Variants in DNAJC11 observed in about 807,000 individuals in gnomAD.
The protein encoded by DNAJC11 is dnaJ homolog subfamily C member 11.
In DNAJC11, 15 loss-of-function variants were observed where a neutral mutation model predicts 78.6. That is an observed-to-expected ratio of 0.19 (90% CI 0.13 to 0.29). The LOEUF (loss-of-function observed/expected upper bound fraction) is 0.29, where lower values mean the gene tolerates loss of function less well. DNAJC11 is among the 10% of genes least tolerant of loss of function. The pLI is 1.00. For synonymous variants in DNAJC11, 292 were observed against 272.1 expected (o/e 1.07, Z -0.72); for missense variants, 547 against 709.6 (o/e 0.77, Z 2.60).
At chr1:6,684,375 C>T (rs776745983) in intron 1 of DNAJC11, among the ~76,000 whole-genome samples, 8 of 152,244 alleles carry the variant, frequency 5.3e-5, no homozygotes, top group Non-Finnish European at 1.2e-4. Context: ...AGCCACTGCA[C>T]CCAGTCACAA....
intron 3 of DNAJC11, among the ~76,000 whole-genome samples, chr1:6,677,181 A>C (rs888023327): frequency 1.3e-5 from 2 of 151,868 alleles, no homozygotes; most frequent in African/African-American, 2.4e-5. Context: ...AAAACAAAAA[A>C]AACGAAGGAA....
intron 1 of DNAJC11, among the ~76,000 whole-genome samples, chr1:6,687,096 A>C (rs1009227278): frequency 3.3e-5 from 5 of 152,242 alleles, no homozygotes; most frequent in African/African-American, 1.2e-4. Context: ...TAAAAGAAAA[A>C]GCAGATTTCA....
At chr1:6,674,859 C>T (rs908689262) in intron 3 of DNAJC11, among the ~76,000 whole-genome samples, 2 of 152,110 alleles carry the variant, frequency 1.3e-5, no homozygotes, top group Non-Finnish European at 1.5e-5. Flanking sequence ...GGATTAAAGG[C>T]GTCTCAGACA....
chr1:6,672,524 T>C (rs1642396024), intron 3 of DNAJC11, among the ~76,000 whole-genome samples: 2 of 152,230 alleles, frequency 1.3e-5, no homozygotes. Context: ...GATCATTCCA[T>C]TTTTAGTCAT....
rs766568049 is a variant in DNAJC11 at position 6,652,869 on chromosome 1, A to T, written c.590T>A (p.Phe197Tyr). The change falls in exon 6 of 16, where the codon TTT (phenylalanine) becomes TAT (tyrosine). Residue 197 changes from phenylalanine (F) to tyrosine (Y), a missense_variant. Physicochemically the swap from Phe to Tyr is conservative, Grantham distance 22 (BLOSUM62 3). Coordinates refer to ENST00000377577, the MANE Select transcript of DNAJC11 (RefSeq NM_018198.4). Reference protein sequence around the residue: ...QNGNGGGSINFALRRVTSAKG... With the variant: ...QNGNGGGSINYALRRVTSAKG... ...TGCCGAAGTTACTCGTCTGAGCGCA[A>T]AGTTAATGGAACCTCCTCCATTTCC... 1 of 1,614,148 alleles carries T rather than the reference A, an allele frequency of 6.2e-7. No individual in the cohort carries two copies. Among genetic ancestry groups the T allele is most frequent in the Admixed American group, 1.7e-5 (1 of 60,002 alleles).
At chr1:6,700,381 T>C (rs1275886724) in intron 1 of DNAJC11, among the ~76,000 whole-genome samples, 1 of 152,182 alleles carries the variant, frequency 6.6e-6, no homozygotes, top group Non-Finnish European at 1.5e-5. Flanking sequence ...AAAGCCTGTT[T>C]GGTGGTCTCT....
At chr1:6,691,154 T>A in intron 1 of DNAJC11, among the ~76,000 whole-genome samples, 2 of 144,342 alleles carry the variant, frequency 1.4e-5, no homozygotes, top group South Asian at 2.2e-4. Flanking sequence ...GAAAAAAAGA[T>A]TACACAATTA....
At chr1:6,666,065 T>A (rs1642289156) in intron 4 of DNAJC11, among the ~76,000 whole-genome samples, 1 of 152,218 alleles carries the variant, frequency 6.6e-6, no homozygotes, top group Admixed American at 6.5e-5. Context: ...AACCCTGCAC[T>A]TCTGTTGAGG....
intron 11 of DNAJC11, 143 bp from the exon 12 acceptor site, chr1:6,638,507 C>G: frequency 1.5e-6 from 1 of 656,352 alleles, no homozygotes; most frequent in Non-Finnish European, 2.4e-6. Context: ...AAAAAATATT[C>G]CCACGACAGT....
chr1:6,685,193 T>C (rs1642633966), intron 1 of DNAJC11, among the ~76,000 whole-genome samples: 1 of 152,226 alleles, frequency 6.6e-6, no homozygotes, highest in African/African-American at 2.4e-5. Flanking sequence ...GTCTGGATAA[T>C]ATGTCTGTAC....
At chr1:6,684,083 CTTTTTTTTTT>C (rs1335878289) in intron 1 of DNAJC11, among the ~76,000 whole-genome samples, 1 of 140,242 alleles carries the variant, frequency 7.1e-6, no homozygotes, top group Non-Finnish European at 1.6e-5. Context: ...AAATCATTTT[CTTTTTTTTTT>C]TTTTTGAGAT....
intron 4 of DNAJC11, among the ~76,000 whole-genome samples, chr1:6,659,008 CTG>C (rs1374657768): frequency 6.6e-6 from 1 of 152,218 alleles, no homozygotes; most frequent in Non-Finnish European, 1.5e-5. Flanking sequence ...ATCCCACCCA[CTG>C]CTACCTGTTG....
chr1:6,658,623 G>A (rs1557475031), intron 4 of DNAJC11, among the ~76,000 whole-genome samples: 2 of 147,174 alleles, frequency 1.4e-5, no homozygotes, highest in Non-Finnish European at 1.5e-5. Context: ...TTTGAACCTT[G>A]TACACATATT....
At chr1:6,651,975 C>G (rs1352002311) in intron 6 of DNAJC11, among the ~76,000 whole-genome samples, 1 of 151,970 alleles carries the variant, frequency 6.6e-6, no homozygotes, top group Non-Finnish European at 1.5e-5. Context: ...CGGTGTGCCC[C>G]CCACCCCCGC....
At chr1:6,636,774 A>G (rs1027966432) in intron 14 of DNAJC11, among the ~76,000 whole-genome samples, 1 of 152,184 alleles carries the variant, frequency 6.6e-6, no homozygotes, top group African/African-American at 2.4e-5. Context: ...CACACAGTAG[A>G]TGCTGATGAC....
chr1:6,666,324 C>T (rs1642292874), intron 4 of DNAJC11, among the ~76,000 whole-genome samples: 1 of 151,724 alleles, frequency 6.6e-6, no homozygotes, highest in South Asian at 2.1e-4. Context: ...TGTATTTCAT[C>T]AGAGGTTTAT....
intron 1 of DNAJC11, among the ~76,000 whole-genome samples, chr1:6,694,675 A>T (rs569000785): frequency 1.0e-3 from 157 of 151,872 alleles, no homozygotes; most frequent in African/African-American, 3.3e-3. Flanking sequence ...ATTAAAAAAA[A>T]TTTTTTTTGG....
In DNAJC11 at chr1:6,636,254, A is replaced by T. The variant is rs1641765726; in HGVS notation, c.1525-8T>A. 1 of 1,613,664 alleles carries T rather than the reference A, an allele frequency of 6.2e-7. No individual in the cohort carries two copies. The highest frequency in any genetic ancestry group is 8.5e-7 in the Non-Finnish European group (1 of 1,179,888). ...AAAGCCAGGCAGCCCAGCCTGTAAC[A>T]AACAAATTGCTACTCTCAATACTCC... On this transcript the variant is annotated splice_polypyrimidine_tract_variant and splice_region_variant and intron_variant, in intron 14 of 15. Transcript: ENST00000377577.
chr1:6,689,237 A>G (rs1177400375), intron 1 of DNAJC11, among the ~76,000 whole-genome samples: 3 of 152,258 alleles, frequency 2.0e-5, no homozygotes, highest in Admixed American at 2.0e-4. Flanking sequence ...ACAGCAGCAG[A>G]AATTCAAGGC....
Sources: gnomAD v4.1 joint callset for allele counts (sites outside exome capture counted in the v4.1 genomes callset) on GRCh38, gnomAD v4.1.1 for gene constraint, MANE v1.5 for transcripts, NCBI Gene and HGNC (gene_info 2026-07-23, HGNC 2026-07-21) for gene names.